Variants in TENM2 observed in about 807,000 individuals in gnomAD.
TENM2 encodes teneurin transmembrane protein 2.
In TENM2, 52 loss-of-function variants were observed where a neutral mutation model predicts 245.2. The observed-to-expected ratio is 0.21, with a 90% confidence interval of 0.17 to 0.27. The LOEUF is 0.27. Ranked by LOEUF, TENM2 falls within the 10% of genes least tolerant of loss-of-function variation. TENM2 has a pLI of 1.00. For missense variants in TENM2, 3,046 were observed against 3,666.8 expected (o/e 0.83, Z 4.37); for synonymous variants, 1,363 against 1,438.9 (o/e 0.95, Z 1.19).
chr5:167,860,167 C>T (rs1583209748), intron 2 of TENM2, among the ~76,000 whole-genome samples: 8 of 112,746 alleles, frequency 7.1e-5, no homozygotes, highest in East Asian at 2.9e-4. Context: ...CCCGGCCAGC[C>T]GCCCCGTCCG....
intron 2 of TENM2, among the ~76,000 whole-genome samples, chr5:167,400,855 A>C (rs1762326666): frequency 6.6e-6 from 1 of 152,146 alleles, no homozygotes; most frequent in South Asian, 2.1e-4. Context: ...GAAGAATGAG[A>C]AAATGCCTTT....
At chr5:167,734,743 A>T (rs1488791939) in intron 2 of TENM2, among the ~76,000 whole-genome samples, 2 of 152,092 alleles carry the variant, frequency 1.3e-5, no homozygotes, top group Non-Finnish European at 2.9e-5. Context: ...GCAATTAAAC[A>T]CTGAGCTTGA....
chr5:167,283,209 A>T (rs764918614), upstream of TENM2, among the ~76,000 whole-genome samples: 1 of 151,526 alleles, frequency 6.6e-6, no homozygotes, highest in African/African-American at 2.4e-5. Flanking sequence ...AGGCCCAGCG[A>T]ATTTTTTTTT....
chr5:167,201,823 T>C, the TENM2 span, among the ~76,000 whole-genome samples: 1 of 152,174 alleles, frequency 6.6e-6, no homozygotes, highest in African/African-American at 2.4e-5. Flanking sequence ...ATTGGCTGAC[T>C]GATATAATTG....
intron 1 of TENM2, among the ~76,000 whole-genome samples, chr5:167,343,958 C>G (rs1039571738): frequency 2.0e-5 from 3 of 151,728 alleles, no homozygotes; most frequent in Middle Eastern, 3.4e-3. Flanking sequence ...GGAAAGGAAA[C>G]TTAAAAACTC....
At chr5:167,353,807 G>A (rs1250743101) in intron 1 of TENM2, among the ~76,000 whole-genome samples, 4 of 152,082 alleles carry the variant, frequency 2.6e-5, no homozygotes, top group East Asian at 1.9e-4. Flanking sequence ...GCGCCCGGCC[G>A]TATATGGTGT....
At chr5:167,481,704 A>G (rs1184766847) in intron 2 of TENM2, among the ~76,000 whole-genome samples, 38 of 152,246 alleles carry the variant, frequency 2.5e-4, no homozygotes, top group Non-Finnish European at 1.5e-5. Context: ...ATGGACATTT[A>G]CAATAAATGC....
At chr5:167,365,421 T>C (rs1462292358) in intron 1 of TENM2, among the ~76,000 whole-genome samples, 2 of 150,078 alleles carry the variant, frequency 1.3e-5, no homozygotes, top group Non-Finnish European at 3.0e-5. Flanking sequence ...ATAAATAAGA[T>C]AAGTGCAGAA....
chr5:167,901,226 A>C (rs911768188), intron 3 of TENM2, among the ~76,000 whole-genome samples: 4 of 152,014 alleles, frequency 2.6e-5, no homozygotes, highest in Admixed American at 6.6e-5. Flanking sequence ...GTTTATCTTA[A>C]TAGGTCCTGA....
intron 4 of TENM2, among the ~76,000 whole-genome samples, chr5:167,960,093 A>G (rs1282473198): frequency 6.6e-6 from 1 of 152,170 alleles, no homozygotes; most frequent in Non-Finnish European, 1.5e-5. Flanking sequence ...TACCCACCAG[A>G]TGCCAGCTGG....
intron 2 of TENM2, among the ~76,000 whole-genome samples, chr5:167,803,869 G>T (rs1765957073): frequency 6.6e-6 from 1 of 152,022 alleles, no homozygotes; most frequent in African/African-American, 2.4e-5. Context: ...CAAAGTGCTT[G>T]CCCTAGCTCC....
intron 2 of TENM2, among the ~76,000 whole-genome samples, chr5:167,693,466 CTTGA>C (rs1757560906): frequency 6.6e-6 from 1 of 152,018 alleles, no homozygotes. Flanking sequence ...GAATGTTGAA[CTTGA>C]TTCAATTTTA....
intron 1 of TENM2, among the ~76,000 whole-genome samples, chr5:167,350,186 T>A (rs1054002580): frequency 6.6e-6 from 1 of 152,150 alleles, no homozygotes; most frequent in Non-Finnish European, 1.5e-5. Context: ...TGTCCTTCCC[T>A]TGGGTCACTT....
chr5:166,988,636 G>GTGTT, the TENM2 span, among the ~76,000 whole-genome samples: 3 of 152,190 alleles, frequency 2.0e-5, no homozygotes, highest in Non-Finnish European at 4.4e-5. Flanking sequence ...GAAAAGAAAT[G>GTGTT]TGTTAGAAGG....
rs186913268 is a variant in TENM2 at position 167,423,045 on chromosome 5, C to T, written c.502+47572C>T. The stretch of plus-strand genomic sequence containing the variant: ...TGCAATCATGAAAATGTTCCATTTC[C>T]GACTAAGAAGAAAAAGTCACCCATG... On this transcript the variant is annotated intron_variant, in intron 2 of 28. Coordinates refer to ENST00000518659, the Ensembl canonical transcript of TENM2. 1.0e-3 allele frequency among the ~76,000 whole-genome samples: 153 copies of T among 152,166 alleles called. 2 individuals carry two copies. The highest frequency in any genetic ancestry group is 3.3e-3 in the African/African-American group (136 of 41,538).
the TENM2 span, among the ~76,000 whole-genome samples, chr5:167,003,270 A>G: frequency 6.6e-6 from 1 of 152,186 alleles, no homozygotes; most frequent in Admixed American, 6.5e-5. Context: ...TTAATAATCC[A>G]GGTGTCTTCA....
At chr5:168,199,345 A>G (rs145506005) in intron 16 of TENM2, among the ~76,000 whole-genome samples, 122 of 152,398 alleles carry the variant, frequency 8.0e-4, no homozygotes, top group African/African-American at 2.4e-3. Context: ...TTTTAATAAA[A>G]TAAAAACAAC....
chr5:168,145,467 G>C (rs1378421070), intron 12 of TENM2, among the ~76,000 whole-genome samples: 3 of 130,166 alleles, frequency 2.3e-5, no homozygotes, highest in Non-Finnish European at 4.9e-5. Context: ...TTTTTCTCAG[G>C]TTTGTCAAAG....
exon 6 of TENM2, chr5:168,047,487 A>G (rs1581156894): frequency 1.3e-6 from 2 of 1,551,680 alleles, no homozygotes; most frequent in East Asian, 4.9e-5. Flanking sequence ...ACCTTTAACA[A>G]TGGGATAAGG....
Sources: gnomAD v4.1 joint callset for allele counts (sites outside exome capture counted in the v4.1 genomes callset) on GRCh38, gnomAD v4.1.1 for gene constraint, MANE v1.5 for transcripts, NCBI Gene and HGNC (gene_info 2026-07-23, HGNC 2026-07-21) for gene names.